CWC27: variants seen among roughly 807,000 people sequenced by gnomAD.
CWC27 encodes the protein spliceosome-associated protein CWC27 homolog.
CWC27 carries 47 observed loss-of-function variants against 63.6 expected under a neutral mutation model. The ratio of observed to expected loss-of-function variants is 0.74; its 90% CI spans 0.58 to 0.94. The LOEUF (loss-of-function observed/expected upper bound fraction) is 0.94. CWC27 is among the 40% of genes least tolerant of loss of function. The pLI, the probability that CWC27 is intolerant of heterozygous loss-of-function variation, is 0.00. For synonymous variants in CWC27, 175 were observed against 179.8 expected, an observed-to-expected ratio of 0.97 and a Z score of 0.22; for missense variants, 495 against 554.3, an observed-to-expected ratio of 0.89 and a Z score of 1.07.
chr5:64,980,684 C>T (rs576351501), intron 13 of CWC27, among the ~76,000 whole-genome samples: 1 of 152,130 alleles, frequency 6.6e-6, no homozygotes, highest in Non-Finnish European at 1.5e-5. Flanking sequence ...CTCTCCCCTC[C>T]GTCACTTTCT....
At chr5:64,996,860 C>T (rs1174675440) in intron 13 of CWC27, among the ~76,000 whole-genome samples, 1 of 152,046 alleles carries the variant, frequency 6.6e-6, no homozygotes, top group Non-Finnish European at 1.5e-5. Context: ...TTCAGAGGTT[C>T]TCCCACCTAA....
intron 13 of CWC27, among the ~76,000 whole-genome samples, chr5:65,003,348 A>G (rs1749767925): frequency 6.6e-6 from 1 of 152,002 alleles, no homozygotes; most frequent in African/African-American, 2.4e-5. Flanking sequence ...GTTGTTTTGT[A>G]TATCCTTTCC....
chr5:65,010,635 C>T (rs1749935425), intron 13 of CWC27, among the ~76,000 whole-genome samples: 1 of 152,124 alleles, frequency 6.6e-6, no homozygotes, highest in South Asian at 2.1e-4. Context: ...GGTCTTTTAA[C>T]CCACATGGGG....
intron 13 of CWC27, among the ~76,000 whole-genome samples, chr5:64,982,031 C>G (rs1011820213): frequency 3.9e-5 from 6 of 152,106 alleles, no homozygotes; most frequent in Admixed American, 1.3e-4. Flanking sequence ...TTCTGAGAAC[C>G]AAGGTTTGGC....
At chr5:64,937,383 C>T (rs893119968) in intron 11 of CWC27, among the ~76,000 whole-genome samples, 2 of 152,262 alleles carry the variant, frequency 1.3e-5, no homozygotes, top group African/African-American at 4.8e-5. Flanking sequence ...GCAGATTGTT[C>T]AGTTTCCATG....
At chr5:64,775,454 G>GT (rs1743407475) in intron 2 of CWC27, among the ~76,000 whole-genome samples, 1 of 152,028 alleles carries the variant, frequency 6.6e-6, no homozygotes, top group African/African-American at 2.4e-5. Context: ...TAACCACATG[G>GT]TTTTAGTTGG....
At chr5:64,882,924 G>T (rs541422891) in intron 10 of CWC27, among the ~76,000 whole-genome samples, 1 of 152,276 alleles carries the variant, frequency 6.6e-6, no homozygotes, top group African/African-American at 2.4e-5. Flanking sequence ...TGTCTACTAG[G>T]AAACTTAAAA....
At chr5:64,804,655 G>A (rs1298165965) in intron 10 of CWC27, 1 of 269,264 alleles carries the variant, frequency 3.7e-6, no homozygotes, top group East Asian at 6.4e-5. Context: ...TATATATAGG[G>A]TAATAATGTA....
intron 5 of CWC27, among the ~76,000 whole-genome samples, chr5:64,786,164 CAAA>C (rs1209111233): frequency 9.3e-5 from 6 of 64,272 alleles, no homozygotes; most frequent in South Asian, 1.1e-3. Context: ...GACTCCATCT[CAAA>C]AAAAAAAAAA....
At chr5:64,892,455 G>T (rs189055602) in intron 11 of CWC27, among the ~76,000 whole-genome samples, 27 of 152,088 alleles carry the variant, frequency 1.8e-4, no homozygotes, top group Admixed American at 1.3e-3. Flanking sequence ...AGGTTAAAAA[G>T]AAAGATTACC....
rs1458117694 is a variant in CWC27, at chr5:64,977,121, A to C, written c.1153-14A>C. 3 of 1,511,880 alleles carry C rather than the reference A, an allele frequency of 2.0e-6. No homozygotes were observed. The South Asian group carries it at 3.8e-5, about 19-fold the overall frequency. The allele number at this position is 1,511,880 out of a possible 1,614,324, so 93.7% of individuals were successfully genotyped here. A position where few individuals can be genotyped will look rare whatever the true frequency, so the allele number is the denominator to read the frequency against. On this transcript the variant is annotated splice_polypyrimidine_tract_variant and intron_variant, in intron 12 of 13. Coordinates refer to ENST00000381070, the MANE Select transcript of CWC27 (RefSeq NM_005869.4). ...TCTTTATCAGAAAACTTAGCAGTCT[A>C]ATTGTTATTTCAGACCCTTGCACTG... is the stretch of plus-strand genomic sequence containing the variant.
chr5:64,998,879 T>G (rs1198464415), intron 13 of CWC27, among the ~76,000 whole-genome samples: 2 of 151,970 alleles, frequency 1.3e-5, no homozygotes, highest in East Asian at 1.9e-4. Flanking sequence ...GAGTTTTTTG[T>G]TTTTTTACCA....
chr5:64,842,673 C>T (rs974541417), intron 10 of CWC27, among the ~76,000 whole-genome samples: 1 of 151,978 alleles, frequency 6.6e-6, no homozygotes, highest in Middle Eastern at 3.4e-3. Flanking sequence ...GATCTTGACC[C>T]ACTGCAGCCT....
At chr5:64,861,665 G>A (rs1336125966) in intron 10 of CWC27, among the ~76,000 whole-genome samples, 1 of 152,136 alleles carries the variant, frequency 6.6e-6, no homozygotes, top group Non-Finnish European at 1.5e-5. Context: ...TATGAATAAA[G>A]TTAAAACAAT....
At chr5:64,792,185 T>G (rs1396013727) in intron 7 of CWC27, among the ~76,000 whole-genome samples, 1 of 152,152 alleles carries the variant, frequency 6.6e-6, no homozygotes, top group Non-Finnish European at 1.5e-5. Context: ...TAGTACTTGT[T>G]AAACTTTCCT....
chr5:64,846,943 A>G (rs1745995338), intron 10 of CWC27, among the ~76,000 whole-genome samples: 1 of 146,104 alleles, frequency 6.8e-6, no homozygotes, highest in Non-Finnish European at 1.5e-5. Context: ...GCAGTGAGCC[A>G]GGATCACACC....
At chr5:64,970,958 A>AGTGTGTGTGT (rs57958257) in intron 11 of CWC27, among the ~76,000 whole-genome samples, 1,456 of 143,476 alleles carry the variant, frequency 0.01, 18 homozygotes, top group Non-Finnish European at 0.011. Flanking sequence ...AGAGAGAGGG[A>AGTGTGTGTGT]GTGTGTGTGT....
chr5:65,018,266 A>G lies in CWC27; in HGVS notation c.1364A>G (p.Lys455Arg). The G allele has an allele frequency of 6.2e-7, 1 of 1,610,844 alleles. No individual in the cohort carries two copies. The highest frequency in any genetic ancestry group is 8.5e-7 in the Non-Finnish European group (1 of 1,179,154). Residue 455 changes from lysine (K) to arginine (R), a missense_variant, in exon 14 of 14, where the codon AAA becomes AGA. Lys to Arg is a conservative substitution (Grantham distance 26). Coordinates refer to ENST00000381070, the MANE Select transcript of CWC27 (RefSeq NM_005869.4). ...TATGATCCTCGGAATCCAGTGAATA[A>G]AAGAAGGAGGGAAGAAAGCAAAAAG... Reference protein sequence around the residue: ...EIYDPRNPVNKRRREESKKLM... With the variant: ...EIYDPRNPVNRRRREESKKLM...
intron 13 of CWC27, among the ~76,000 whole-genome samples, chr5:64,985,112 C>T (rs904124719): frequency 6.6e-6 from 1 of 152,124 alleles, no homozygotes; most frequent in Non-Finnish European, 1.5e-5. Flanking sequence ...TTCTTGGACT[C>T]TCTATTCTGT....
Sources: gnomAD v4.1 joint callset for allele counts (sites outside exome capture counted in the v4.1 genomes callset) on GRCh38, gnomAD v4.1.1 for gene constraint, MANE v1.5 for transcripts, NCBI Gene and HGNC (gene_info 2026-07-23, HGNC 2026-07-21) for gene names.